The following AP5M1 variants were observed in gnomAD, a reference collection of about 807,000 sequenced individuals.
The protein encoded by AP5M1 is AP-5 complex subunit mu-1.
AP5M1 carries 44 observed loss-of-function variants against 52.3 expected under a neutral mutation model. That is an observed-to-expected ratio of 0.84 (90% CI 0.66 to 1.08). The LOEUF (loss-of-function observed/expected upper bound fraction) is 1.08, where lower values mean the gene tolerates loss of function less well. AP5M1 is among the 50% of genes least tolerant of loss of function. The pLI is 0.00. For missense variants in AP5M1, 526 were observed against 568.4 expected, an observed-to-expected ratio of 0.93 and a Z score of 0.76; for synonymous variants, 213 against 199.0, an observed-to-expected ratio of 1.07 and a Z score of -0.59.
At chr14:57,270,416 A>G (rs1884859775) in intron 1 of AP5M1, among the ~76,000 whole-genome samples, 1 of 152,200 alleles carries the variant, frequency 6.6e-6, no homozygotes, top group Admixed American at 6.5e-5. Flanking sequence ...CTTATAGTGA[A>G]GTAGTACCAT....
Position 57,296,280 on chromosome 14 carries a change from A to G in AP5M1, c.*7396A>G, listed in dbSNP as rs1885551181. On this transcript the variant is annotated 3_prime_UTR_variant, in exon 8 of 8. Coordinates refer to ENST00000261558, the MANE Select transcript of AP5M1 (RefSeq NM_018229.4). ...TTTGAAGAACTATTTTCTTAGATTT[A>G]CCAACAGGACAAGTTGTCGGCCTTT... The G allele has an allele frequency of 1.3e-5, 2 of 152,026 alleles. No homozygotes were observed. The highest frequency in any genetic ancestry group is 6.6e-5 in the Admixed American group (1 of 15,214). 9.4% of individuals were successfully genotyped at this position (152,026 alleles called of 1,614,324 possible).
In AP5M1 at chr14:57,293,555, G is replaced by A. The variant is rs923615082; in HGVS notation, c.*4671G>A. 1 of 151,510 alleles carries A rather than the reference G, an allele frequency of 6.6e-6. No homozygotes were observed. The highest frequency in any genetic ancestry group is 2.4e-5 in the African/African-American group (1 of 41,300). 9.4% of individuals were successfully genotyped at this position (151,510 alleles called of 1,614,324 possible). On this transcript the variant is annotated 3_prime_UTR_variant, in exon 8 of 8. Coordinates refer to ENST00000261558, the MANE Select transcript of AP5M1 (RefSeq NM_018229.4). ...AGTTCCTAAACCACAGCAGAATTGC[G>A]GATCAGGAAAAATACAAGATAACGG... is the stretch of plus-strand genomic sequence containing the variant.
intron 1 of AP5M1, among the ~76,000 whole-genome samples, chr14:57,269,736 G>T (rs1311237858): frequency 6.6e-6 from 1 of 152,200 alleles, no homozygotes; most frequent in Non-Finnish European, 1.5e-5. Flanking sequence ...AACATGCATT[G>T]ACAAAATCGT....
At chr14:57,270,019 AG>A (rs1884845728) in intron 1 of AP5M1, among the ~76,000 whole-genome samples, 1 of 152,164 alleles carries the variant, frequency 6.6e-6, no homozygotes, top group Non-Finnish European at 1.5e-5. Flanking sequence ...CGTGTTAGCC[AG>A]GATAGTCTTG....
At position 57,298,214 on chromosome 14, in the gene AP5M1, T is replaced by C. The variant is rs1411283061; in HGVS notation, c.*9330T>C. On this transcript the variant is annotated 3_prime_UTR_variant, in exon 8 of 8. Transcript: ENST00000261558. ...TTGTTTGGCATAATGAGACCTGATA[T>C]GCTATGACTCTCCCTATCCTATAAA... The C allele has an allele frequency of 1.3e-5, 2 of 152,192 alleles. No homozygotes were observed. The highest frequency in any genetic ancestry group is 1.9e-4 in the East Asian group (1 of 5,202). The allele number at this position is 152,192 out of a possible 1,614,324, so 9.4% of individuals were successfully genotyped here. A position where few individuals can be genotyped will look rare whatever the true frequency, so the allele number is the denominator to read the frequency against.
At chr14:57,283,577 G>A (rs975222290) in intron 6 of AP5M1, among the ~76,000 whole-genome samples, 5 of 152,144 alleles carry the variant, frequency 3.3e-5, no homozygotes, top group Non-Finnish European at 7.3e-5. Flanking sequence ...AACAGAGTGC[G>A]ACCAGATCTC....
chr14:57,275,166 G>C (rs780363036), intron 2 of AP5M1: 8 of 427,028 alleles, frequency 1.9e-5, no homozygotes, highest in Non-Finnish European at 3.0e-5. Flanking sequence ...GAACTTTCAG[G>C]GTAGAATCAC....
In AP5M1 at chr14:57,293,598, G is replaced by A. The variant is rs931810666; in HGVS notation, c.*4714G>A. On this transcript the variant is annotated 3_prime_UTR_variant, in exon 8 of 8. Transcript: ENST00000261558. The stretch of plus-strand genomic sequence containing the variant: ...GATAACGGCATTCTATAAAGATAGA[G>A]GGCAGGTTCCCATGGCTATGTTGCT... 4.0e-5 allele frequency: 6 copies of A among 151,694 alleles called. No individual in the cohort carries two copies. The highest frequency in any genetic ancestry group is 1.5e-4 in the African/African-American group (6 of 41,350). 9.4% of individuals were successfully genotyped at this position (151,694 alleles called of 1,614,324 possible).
chr14:57,270,608 G>T (rs1378218195), intron 1 of AP5M1, among the ~76,000 whole-genome samples: 2 of 152,122 alleles, frequency 1.3e-5, no homozygotes, highest in Non-Finnish European at 2.9e-5. Context: ...AACATTTGTT[G>T]TTGGACCTCA....
rs750189441 is a variant in AP5M1, at chr14:57,282,111, G to C, written c.971G>C (p.Gly324Ala). Residue 324 changes from glycine to alanine, a missense_variant, in exon 4 of 8, where the codon GGT becomes GCT. Physicochemically the swap from Gly to Ala is moderately conservative, Grantham distance 60 (BLOSUM62 0). Around this residue, in one of 3 missense-constraint regions of AP5M1, gnomAD observed 425 missense variants for 430.6 expected, o/e 0.99. Coordinates refer to ENST00000261558, the MANE Select transcript of AP5M1 (RefSeq NM_018229.4). ...TAGGTCCCTGTCCCACCAATTTTGG[G>C]TTTTTATCAAATGAAGGAGGAAGAA... Reference protein sequence around the residue: ...TSQVPVPPILGFYQMKEEEVQ... With the variant: ...TSQVPVPPILAFYQMKEEEVQ... 8.9e-6 allele frequency: 14 copies of C among 1,574,024 alleles called. No homozygotes were observed. The Admixed American group carries it at 1.6e-4, about 17-fold the overall frequency.
chr14:57,291,187 T>C lies in AP5M1; in HGVS notation c.*2303T>C, dbSNP rs1206656329. 1 of 151,968 alleles carries C rather than the reference T, an allele frequency of 6.6e-6. No individual in the cohort carries two copies. Among genetic ancestry groups the C allele is most frequent in the Non-Finnish European group, 1.5e-5 (1 of 67,898 alleles). The allele number at this position is 151,968 out of a possible 1,614,324, so 9.4% of individuals were successfully genotyped here. On this transcript the variant is annotated 3_prime_UTR_variant, in exon 8 of 8. Transcript: ENST00000261558. ...TTCATTTTCTTTGATAACTATTCTT[T>C]GCATTTTTTAACTTGAAAGATGCTT... is the stretch of plus-strand genomic sequence containing the variant.
chr14:57,273,539 A>G (rs1009075324), intron 1 of AP5M1, among the ~76,000 whole-genome samples: 2 of 152,230 alleles, frequency 1.3e-5, no homozygotes, highest in African/African-American at 4.8e-5. Context: ...TAAATAAGCA[A>G]AAGCATCTTC....
rs201466728 is a variant in AP5M1 at position 57,280,850 on chromosome 14, C to CAA, written c.948+441_948+442dup. Among the ~76,000 whole-genome samples the CAA allele has an allele frequency of 2.4e-3, 284 of 119,588 alleles. 2 individuals carry two copies. The highest frequency in any genetic ancestry group is 8.2e-3 in the African/African-American group (268 of 32,584). The allele number at this position is 119,588 out of a possible 152,430, so 78.5% of individuals were successfully genotyped here. On this transcript the variant is annotated intron_variant, in intron 3 of 7. Coordinates refer to ENST00000261558, the MANE Select transcript of AP5M1 (RefSeq NM_018229.4). ...TGGGCGACAGAGTGAGACTCCATCT[C>CAA]AAAAAAAAAAAAAAGATTCACTTAT...
intron 1 of AP5M1, among the ~76,000 whole-genome samples, chr14:57,272,862 A>T (rs1407328566): frequency 6.6e-6 from 1 of 152,096 alleles, no homozygotes; most frequent in South Asian, 2.1e-4. Flanking sequence ...TTACCTACAC[A>T]TGGGTAACTG....
chr14:57,298,648 G>GC lies in AP5M1; in HGVS notation c.*9767dup, dbSNP rs2139706968. 6.6e-6 allele frequency: 1 copy of GC among 152,232 alleles called. No individual in the cohort carries two copies. Among genetic ancestry groups the GC allele is most frequent in the Admixed American group, 6.5e-5 (1 of 15,282 alleles). 9.4% of individuals were successfully genotyped at this position (152,232 alleles called of 1,614,324 possible). A position where few individuals can be genotyped will look rare whatever the true frequency, so the allele number is the denominator to read the frequency against. On this transcript the variant is annotated 3_prime_UTR_variant, in exon 8 of 8. Transcript: ENST00000261558. ...TCAAAATTATATGAATTGTCCATGT[G>GC]CCCTTGGTTTTGAATGTTCAATTCT...
chr14:57,286,214 TC>T lies in AP5M1; in HGVS notation c.1294-8del. 1 of 1,565,140 alleles carries T rather than the reference TC, an allele frequency of 6.4e-7. No homozygotes were observed. Among genetic ancestry groups the T allele is most frequent in the Non-Finnish European group, 8.8e-7 (1 of 1,137,664 alleles). ...ACCTTAATTTGGTACATTTCTCTCT[TC>T]TTTCTAGCTTCATTTTAGGATCTTA... is the stretch of plus-strand genomic sequence containing the variant. On this transcript the variant is annotated splice_polypyrimidine_tract_variant and splice_region_variant and intron_variant, in intron 6 of 7. Coordinates refer to ENST00000261558, the MANE Select transcript of AP5M1 (RefSeq NM_018229.4).
In AP5M1 at chr14:57,274,380, A is replaced by G. The variant is rs747323641; in HGVS notation, c.211A>G (p.Ser71Gly). Residue 71 changes from serine to glycine, a missense_variant, in exon 2 of 8, where the codon AGT becomes GGT. Ser to Gly is a moderately conservative substitution (Grantham distance 56). Transcript: ENST00000261558. ...GGATGATGATAAAGACTTCGTTGAG[A>G]GTCGTGATAGCTGTTCACGCATCAA... ...LLDDDKDFVE[S>G]RDSCSRINKT... is the part of the protein sequence containing the mutation. The G allele has an allele frequency of 1.2e-6, 2 of 1,614,178 alleles. No individual in the cohort carries two copies. Among genetic ancestry groups the G allele is most frequent in the Non-Finnish European group, 8.5e-7 (1 of 1,180,026 alleles).
intron 2 of AP5M1, chr14:57,275,180 T>C: frequency 2.5e-6 from 1 of 401,852 alleles, no homozygotes; most frequent in South Asian, 2.3e-5. Context: ...GAATCACTCA[T>C]GAAGTTGCAG....
rs747623726 is a variant in AP5M1, at chr14:57,274,262, A to G, written c.93A>G (p.Glu31=). 3.1e-6 allele frequency: 5 copies of G among 1,610,302 alleles called. No individual in the cohort carries two copies. The South Asian group carries it at 5.5e-5, about 18-fold the overall frequency. The change falls in exon 2 of 8, where the codon GAA becomes GAG. Residue 31 remains glutamate (E), a synonymous_variant. Coordinates refer to ENST00000261558, the MANE Select transcript of AP5M1 (RefSeq NM_018229.4). The stretch of plus-strand genomic sequence containing the variant: ...AATGCAGACGGTATCCAACTGTTGA[A>G]AAACGAGCCAGAGTCTTCAATGGAG... ...VRFSRRYPTV[E]KRARVFNGAS...
Sources: allele counts gnomAD v4.1 joint callset (sites outside exome capture counted in the v4.1 genomes callset), GRCh38; gene constraint gnomAD v4.1.1; regional missense constraint gnomAD v4.1.1; transcripts MANE v1.5; gene names NCBI Gene and HGNC (gene_info 2026-07-23, HGNC 2026-07-21).